The following PPFIBP2 variants were observed in gnomAD, a reference collection of about 807,000 sequenced individuals.
PPFIBP2 encodes PPFIB scaffold protein 2.
Under a neutral mutation model 118.3 loss-of-function variants are expected in PPFIBP2, and 118 were observed. The observed-to-expected ratio is 1.00, with a 90% CI of 0.86 to 1.16. PPFIBP2 has a LOEUF of 1.16. Among genes scored for constraint, PPFIBP2 ranks in the 50% most tolerant of loss-of-function variants. The pLI, the probability that PPFIBP2 is intolerant of heterozygous loss-of-function variation, is 0.00. For synonymous variants in PPFIBP2, 414 were observed against 397.4 expected (o/e 1.04, Z -0.50); for missense variants, 1,195 against 1,073.1 (o/e 1.11, Z -1.59).
intron 2 of PPFIBP2, among the ~76,000 whole-genome samples, chr11:7,554,535 G>A (rs751231678): frequency 3.3e-5 from 5 of 152,078 alleles, no homozygotes; most frequent in Admixed American, 2.0e-4. Context: ...CAAACAGTGC[G>A]GGATGATTAT....
At chr11:7,590,461 C>A (rs1859041167) in intron 3 of PPFIBP2, among the ~76,000 whole-genome samples, 1 of 152,124 alleles carries the variant, frequency 6.6e-6, no homozygotes, top group South Asian at 2.1e-4. Context: ...ACCTGTCTGC[C>A]ATGCACACCA....
chr11:7,548,370 C>CT (rs1564960316), intron 1 of PPFIBP2: 1 of 152,236 alleles, frequency 6.6e-6, no homozygotes. Context: ...GCCTCAGAAC[C>CT]ACCTGTTTCC....
downstream of PPFIBP2, among the ~76,000 whole-genome samples, chr11:7,655,141 G>A (rs140331306): frequency 1.4e-3 from 209 of 152,314 alleles, 1 homozygote; most frequent in African/African-American, 4.8e-3. Context: ...CAGAAGGGCT[G>A]CTTCTGACAA....
At chr11:7,655,778 C>T (rs1330826705), downstream of PPFIBP2, among the ~76,000 whole-genome samples, 2 of 151,810 alleles carry the variant, frequency 1.3e-5, no homozygotes, top group African/African-American at 4.8e-5. Flanking sequence ...GGTCCTCTTC[C>T]CAGGCTTAGA....
At chr11:7,591,174 A>G (rs1454407047) in intron 3 of PPFIBP2, among the ~76,000 whole-genome samples, 1 of 152,176 alleles carries the variant, frequency 6.6e-6, no homozygotes, top group Non-Finnish European at 1.5e-5. Flanking sequence ...ACCTTTTATT[A>G]TAATGAAGAA....
chr11:7,635,885 G>A (rs1286258096), intron 14 of PPFIBP2, among the ~76,000 whole-genome samples: 2 of 152,080 alleles, frequency 1.3e-5, no homozygotes, highest in East Asian at 3.9e-4. Context: ...CTGGGAAGGG[G>A]ATTGCTACGA....
chr11:7,630,868 T>A lies in PPFIBP2; in HGVS notation c.965-57T>A, dbSNP rs1007881479. ...ACAATGTTAGAATTTTGTGGTACGA[T>A]TATAGGTTTCTGAACATGAATTCAA... On this transcript the variant is annotated intron_variant, in intron 10 of 23. Transcript: ENST00000299492. The A allele has an allele frequency of 4.1e-5, 52 of 1,259,192 alleles. No homozygotes were observed. In the African/African-American group the frequency reaches 6.6e-4, roughly 16 times the overall value. The allele number at this position is 1,259,192 out of a possible 1,614,324, so 78.0% of individuals were successfully genotyped here.
chr11:7,610,778 A>G (rs890964923), intron 6 of PPFIBP2, among the ~76,000 whole-genome samples: 1 of 152,326 alleles, frequency 6.6e-6, no homozygotes, highest in South Asian at 2.1e-4. Flanking sequence ...CAGCCTCCCA[A>G]TAGGCCATTG....
intron 2 of PPFIBP2, among the ~76,000 whole-genome samples, chr11:7,565,009 C>G (rs1854792772): frequency 6.8e-6 from 1 of 146,130 alleles, no homozygotes; most frequent in African/African-American, 2.6e-5. Flanking sequence ...TAATCTATGA[C>G]TTTAATATAA....
chr11:7,562,940 TATA>T, intron 2 of PPFIBP2, among the ~76,000 whole-genome samples: 1 of 74,174 alleles, frequency 1.3e-5, no homozygotes, highest in African/African-American at 6.5e-5. Context: ...TATATATATA[TATA>T]TATATATATA....
intron 3 of PPFIBP2, among the ~76,000 whole-genome samples, chr11:7,580,895 C>T (rs1857167876): frequency 6.6e-6 from 1 of 152,174 alleles, no homozygotes; most frequent in African/African-American, 2.4e-5. Flanking sequence ...GAAAGAGGAA[C>T]AGATGGAACC....
Position 7,616,109 on chromosome 11 carries a change from T to C in PPFIBP2, c.619-4826T>C, listed in dbSNP as rs1463955650. 1.3e-5 allele frequency among the ~76,000 whole-genome samples: 2 copies of C among 152,052 alleles called. No homozygotes were observed. Among genetic ancestry groups the C allele is most frequent in the Admixed American group, 6.5e-5 (1 of 15,276 alleles). Reference sequence around the variant, plus strand: ...GGGGACATCCGAAACTAAAGGACAATGCTGAGGACAACACAAAGCCATACA... The same window carrying C: ...GGGGACATCCGAAACTAAAGGACAACGCTGAGGACAACACAAAGCCATACA... On this transcript the variant is annotated intron_variant, in intron 6 of 23. Coordinates refer to ENST00000299492, the MANE Select transcript of PPFIBP2 (RefSeq NM_003621.5). This position sits in a 1 kb window ranked among gnomAD's most constrained non-coding sequence, Gnocchi z 5.2.
Position 7,580,941 on chromosome 11 carries a change from G to A in PPFIBP2, c.280-12191G>A, listed in dbSNP as rs116328984. The stretch of plus-strand genomic sequence containing the variant: ...CTAGAATTGCCTCTCAGGCCATTCA[G>A]TGCTTCAGCTTTATGACCCTTCCCA... On this transcript the variant is annotated intron_variant, in intron 3 of 23. Transcript: ENST00000299492. Among the ~76,000 whole-genome samples the A allele has an allele frequency of 8.1e-3, 1,240 of 152,324 alleles. 17 individuals are homozygous for A. The highest frequency in any genetic ancestry group is 0.029 in the African/African-American group (1,191 of 41,572).
intron 1 of PPFIBP2, among the ~76,000 whole-genome samples, chr11:7,541,916 G>GT (rs1281768116): frequency 3.3e-5 from 5 of 152,190 alleles, no homozygotes; most frequent in African/African-American, 1.2e-4. Context: ...CCCATGTCCA[G>GT]TTTATCAGTA....
At chr11:7,629,853 T>C (rs1850523412) in intron 10 of PPFIBP2, among the ~76,000 whole-genome samples, 3 of 152,204 alleles carry the variant, frequency 2.0e-5, no homozygotes, top group Admixed American at 1.3e-4. Context: ...CAAGTGCAGT[T>C]AAACCTGGAT....
intron 5 of PPFIBP2, among the ~76,000 whole-genome samples, chr11:7,599,933 T>C (rs58311561): frequency 0.13 from 19,136 of 151,544 alleles, 2,203 homozygotes; most frequent in African/African-American, 0.3. Context: ...TGTGAGCCAC[T>C]GCGCCCGGCC....
chr11:7,647,046 A>C (rs1479173377), intron 17 of PPFIBP2, among the ~76,000 whole-genome samples: 2 of 152,204 alleles, frequency 1.3e-5, no homozygotes, highest in African/African-American at 4.8e-5. Flanking sequence ...ATTATGATTG[A>C]TCAGTCCCTG....
intron 23 of PPFIBP2, among the ~76,000 whole-genome samples, chr11:7,652,506 G>A (rs1234500010): frequency 6.6e-6 from 1 of 152,200 alleles, no homozygotes; most frequent in Non-Finnish European, 1.5e-5. Flanking sequence ...TACAACTCAG[G>A]CACAGACCTC....
At chr11:7,666,034 A>T in the PPFIBP2 span, 123,996 of 872,584 alleles carry the variant, frequency 0.14, 12,369 homozygotes, top group East Asian at 0.52. Context: ...TCTGGGCTGC[A>T]GCAGCTGTCT....
Sources: allele counts gnomAD v4.1 joint callset (sites outside exome capture counted in the v4.1 genomes callset), GRCh38; gene constraint gnomAD v4.1.1; non-coding constraint Gnocchi (gnomAD v3.1); transcripts MANE v1.5; gene names NCBI Gene and HGNC (gene_info 2026-07-23, HGNC 2026-07-21).